Variants in CDH9 observed in about 807,000 individuals in gnomAD.
The protein encoded by CDH9 is cadherin-9.
A neutral mutation model predicts 70.9 loss-of-function variants in CDH9; 28 were observed. The ratio of observed to expected loss-of-function variants is 0.40; its 90% CI spans 0.29 to 0.54. The LOEUF is 0.54. Ranked by LOEUF, CDH9 falls within the 20% of genes least tolerant of loss-of-function variation. CDH9 has a pLI of 0.59. For missense variants in CDH9, 874 were observed against 984.4 expected (o/e 0.89, Z 1.50); for synonymous variants, 409 against 343.1 (o/e 1.19, Z -2.12).
intron 1 of CDH9, among the ~76,000 whole-genome samples, chr5:26,992,422 C>G (rs555043945): frequency 6.6e-6 from 1 of 152,282 alleles, no homozygotes; most frequent in East Asian, 1.9e-4. Flanking sequence ...TGTGAAGACA[C>G]AGCAGAACAA....
intron 2 of CDH9, among the ~76,000 whole-genome samples, chr5:26,983,356 T>C (rs1742434235): frequency 6.6e-6 from 1 of 152,162 alleles, no homozygotes; most frequent in Non-Finnish European, 1.5e-5. Context: ...TGCTAGAGAA[T>C]GGGATTATTC....
At chr5:26,930,511 A>G (rs1275541621) in intron 2 of CDH9, among the ~76,000 whole-genome samples, 1 of 152,134 alleles carries the variant, frequency 6.6e-6, no homozygotes, top group Non-Finnish European at 1.5e-5. Flanking sequence ...TTGGTTGAAA[A>G]AAATCTGCAT....
chr5:26,932,636 A>G (rs1741482361), intron 2 of CDH9, among the ~76,000 whole-genome samples: 1 of 152,038 alleles, frequency 6.6e-6, no homozygotes, highest in South Asian at 2.1e-4. Context: ...TTTAATCTAT[A>G]TTTGACTTTA....
chr5:26,968,957 A>G (rs1021624574), intron 2 of CDH9, among the ~76,000 whole-genome samples: 3 of 152,232 alleles, frequency 2.0e-5, no homozygotes, highest in Non-Finnish European at 4.4e-5. Context: ...AGTCTGATAT[A>G]TCAGAGGTTA....
chr5:27,014,680 T>A (rs932254380), intron 1 of CDH9, among the ~76,000 whole-genome samples: 2 of 151,844 alleles, frequency 1.3e-5, no homozygotes, highest in African/African-American at 4.8e-5. Flanking sequence ...TAGATATAGA[T>A]TTATAAGGAA....
At chr5:27,031,435 C>T (rs1431005543) in intron 1 of CDH9, among the ~76,000 whole-genome samples, 1 of 151,830 alleles carries the variant, frequency 6.6e-6, no homozygotes, top group Non-Finnish European at 1.5e-5. Context: ...AGGCCTTTTA[C>T]TCACATTTTC....
In CDH9 at chr5:27,021,865, A is replaced by T. The variant is rs778482578; in HGVS notation, c.-50+16598T>A. On this transcript the variant is annotated intron_variant, in intron 1 of 11. Coordinates refer to ENST00000231021, the MANE Select transcript of CDH9 (RefSeq NM_016279.4). ...TCATAACATCAGGAAGAAATCTCTA[A>T]CTCCAGAAGGAAATCACAAGAAGAG... is the stretch of plus-strand genomic sequence containing the variant. 3.9e-5 allele frequency among the ~76,000 whole-genome samples: 6 copies of T among 151,992 alleles called. No individual in the cohort carries two copies. The East Asian group carries it at 1.2e-3, about 29-fold the overall frequency.
chr5:26,959,350 A>G (rs986446801), intron 2 of CDH9, among the ~76,000 whole-genome samples: 1 of 152,112 alleles, frequency 6.6e-6, no homozygotes, highest in Admixed American at 6.5e-5. Flanking sequence ...AAAAATGGGA[A>G]CTAGTAAGTC....
intron 2 of CDH9, among the ~76,000 whole-genome samples, chr5:26,928,722 C>A (rs1380828381): frequency 6.6e-6 from 1 of 151,698 alleles, no homozygotes; most frequent in Non-Finnish European, 1.5e-5. Flanking sequence ...AATAAAAGTG[C>A]CAAGAATATA....
intron 9 of CDH9, among the ~76,000 whole-genome samples, chr5:26,887,992 T>A (rs984000626): frequency 2.6e-5 from 4 of 152,140 alleles, no homozygotes; most frequent in East Asian, 1.9e-4. Context: ...CTATGAGAAA[T>A]AAAATTCTGT....
At chr5:27,007,138 T>G (rs938818299) in intron 1 of CDH9, among the ~76,000 whole-genome samples, 5 of 152,182 alleles carry the variant, frequency 3.3e-5, no homozygotes, top group Non-Finnish European at 7.3e-5. Context: ...GTTTGTCAGA[T>G]GCAAGCTAAT....
chr5:26,917,856 T>C (rs1462680489), intron 2 of CDH9, among the ~76,000 whole-genome samples: 1 of 152,120 alleles, frequency 6.6e-6, no homozygotes, highest in Non-Finnish European at 1.5e-5. Context: ...CAATCTAGAT[T>C]AAACATCTTC....
chr5:26,942,383 C>A (rs145881442), intron 2 of CDH9, among the ~76,000 whole-genome samples: 30 of 152,188 alleles, frequency 2.0e-4, no homozygotes, highest in Non-Finnish European at 3.2e-4. Context: ...ACTATATCAA[C>A]CTCTTAATCC....
intron 1 of CDH9, among the ~76,000 whole-genome samples, chr5:27,020,625 G>A (rs966223489): frequency 6.6e-6 from 1 of 151,250 alleles, no homozygotes. Context: ...TAAGAAAGTT[G>A]CACAGACTTT....
At chr5:26,946,446 C>G (rs962561361) in intron 2 of CDH9, among the ~76,000 whole-genome samples, 4 of 145,192 alleles carry the variant, frequency 2.8e-5, no homozygotes, top group Non-Finnish European at 5.9e-5. Context: ...AACTAACGTA[C>G]CCATTTAGAA....
intron 6 of CDH9, chr5:26,903,105 A>T (rs1740885535): frequency 2.1e-5 from 4 of 192,490 alleles, no homozygotes; most frequent in Admixed American, 1.2e-4. Flanking sequence ...AATTATTTCT[A>T]CTTCAATTAT....
At chr5:26,883,041 T>TTAGAGAGAGA (rs1221330777) in intron 11 of CDH9, among the ~76,000 whole-genome samples, 2 of 58,040 alleles carry the variant, frequency 3.4e-5, no homozygotes, top group African/African-American at 1.3e-4. Flanking sequence ...CAGGATCATC[T>TTAGAGAGAGA]TATATATATA....
At chr5:26,995,458 G>T (rs1400439834) in intron 1 of CDH9, among the ~76,000 whole-genome samples, 1 of 152,038 alleles carries the variant, frequency 6.6e-6, no homozygotes, top group African/African-American at 2.4e-5. Context: ...TTCACAACAC[G>T]ATTGGTATAA....
intron 2 of CDH9, among the ~76,000 whole-genome samples, chr5:26,958,869 T>C (rs1485842052): frequency 6.6e-6 from 1 of 152,050 alleles, no homozygotes. Flanking sequence ...TCAAAATAGA[T>C]CAATGGCCTA....
Sources: gnomAD v4.1 joint callset for allele counts (sites outside exome capture counted in the v4.1 genomes callset) on GRCh38, gnomAD v4.1.1 for gene constraint, MANE v1.5 for transcripts, NCBI Gene and HGNC (gene_info 2026-07-23, HGNC 2026-07-21) for gene names.